The following SCN8A variants were observed in gnomAD, a reference collection of about 807,000 sequenced individuals.
SCN8A encodes the protein sodium voltage-gated channel alpha subunit 8, also known as sodium channel protein type 8 subunit alpha.
Under a neutral mutation model 184.1 loss-of-function variants are expected in SCN8A, and 30 were observed. The observed-to-expected ratio is 0.16, with a 90% CI of 0.12 to 0.22. The LOEUF (loss-of-function observed/expected upper bound fraction) is 0.22. SCN8A is among the 10% of genes least tolerant of loss of function. The probability of loss-of-function intolerance (pLI) is 1.00; values close to 1 mark genes in which losing one functional copy is unlikely to be tolerated. For missense variants in SCN8A, 1,057 were observed against 2,498.9 expected (o/e 0.42, Z 12.30); for synonymous variants, 852 against 907.0 (o/e 0.94, Z 1.09).
chr12:51,593,577 G>A (rs1939279259), intron 1 of SCN8A, among the ~76,000 whole-genome samples: 1 of 152,132 alleles, frequency 6.6e-6, no homozygotes, highest in South Asian at 2.1e-4. Flanking sequence ...GTCCAGCTTT[G>A]GGTTGCCTGT....
intron 20 of SCN8A, among the ~76,000 whole-genome samples, chr12:51,776,965 C>T (rs1238312655): frequency 6.6e-6 from 1 of 152,148 alleles, no homozygotes; most frequent in Admixed American, 6.5e-5. Flanking sequence ...TATGAGTTCC[C>T]AAACAAGGAA....
intron 17 of SCN8A, 114 bp from the exon 18 acceptor site, chr12:51,769,754 A>T: frequency 1.4e-6 from 1 of 731,268 alleles, no homozygotes; most frequent in Non-Finnish European, 2.4e-6. Context: ...TGTAGTAAGA[A>T]TTCTAGAGAG....
At chr12:51,740,714 G>T (rs889196232) in intron 12 of SCN8A, among the ~76,000 whole-genome samples, 2 of 152,138 alleles carry the variant, frequency 1.3e-5, no homozygotes, top group Non-Finnish European at 2.9e-5. Flanking sequence ...GTGTTTCTTT[G>T]TTGATTTTCT....
At chr12:51,701,072 G>T in intron 7 of SCN8A, 72 bp from the exon 8 acceptor site, 1 of 1,015,222 alleles carries the variant, frequency 9.9e-7, no homozygotes, top group South Asian at 1.3e-5. Flanking sequence ...GGCTAGTTAG[G>T]AACAGTGTAA....
chr12:51,702,926 C>T lies in SCN8A; in HGVS notation c.1134+12C>T, dbSNP rs760180910. The T allele has an allele frequency of 8.2e-6, 13 of 1,585,516 alleles. No homozygotes were observed. Among genetic ancestry groups the T allele is most frequent in the African/African-American group, 6.7e-5 (5 of 74,658 alleles). ...ACTTGTATCAATTGGTGAGTAATAC[C>T]TCTTTTCCTTTGGCCATAGAGTTTG... is the stretch of plus-strand genomic sequence containing the variant. On this transcript the variant is annotated intron_variant, in intron 9 of 26. Transcript: ENST00000627620.
Position 51,806,370 on chromosome 12 carries a change from G to A in SCN8A, c.4884G>A (p.Leu1628=), listed in dbSNP as rs749428493. 1.2e-5 allele frequency: 19 copies of A among 1,598,566 alleles called. No homozygotes were observed. The highest frequency in any genetic ancestry group is 1.6e-5 in the Non-Finnish European group (19 of 1,170,120). The part of the protein sequence containing the change: ...VIRLARIGRI[L]RLIKGAKGIR... ...GATTGGCCCGTATTGGGCGCATCTTGCGTCTGATCAAAGGCGCCAAAGGGA... is the reference window on the plus strand; with the variant it reads ...GATTGGCCCGTATTGGGCGCATCTTACGTCTGATCAAAGGCGCCAAAGGGA... Residue 1628 remains leucine, a synonymous_variant, in exon 27 of 27, where the codon TTG becomes TTA. Coordinates refer to ENST00000627620, the MANE Select transcript of SCN8A (RefSeq NM_001330260.2). The surrounding 1 kb of genome is among the most constrained non-coding windows in gnomAD (Gnocchi z 8.7).
chr12:51,718,072 A>G (rs1941994160), intron 11 of SCN8A, among the ~76,000 whole-genome samples: 1 of 152,262 alleles, frequency 6.6e-6, no homozygotes, highest in Non-Finnish European at 1.5e-5. Context: ...GGCTTTGTAC[A>G]TTACAAGAAG....
intron 19 of SCN8A, 116 bp from the exon 20 acceptor site, chr12:51,774,073 G>A: frequency 2.7e-6 from 2 of 728,484 alleles, no homozygotes; most frequent in South Asian, 2.3e-5. Context: ...AAGCGAAGGA[G>A]ACAGGGAGCT....
At chr12:51,647,520 TC>T (rs1940617922) in intron 1 of SCN8A, among the ~76,000 whole-genome samples, 1 of 152,162 alleles carries the variant, frequency 6.6e-6, no homozygotes, top group Admixed American at 6.5e-5. Context: ...CACGGGCAGT[TC>T]CCCATTAACA....
intron 13 of SCN8A, 49 bp downstream of exon 13, chr12:51,746,084 T>C (rs373705636): frequency 5.3e-6 from 8 of 1,518,698 alleles, no homozygotes; most frequent in Admixed American, 2.0e-5. Flanking sequence ...AAATATGTAA[T>C]GTGCATGGTA....
chr12:51,766,040 T>G lies in SCN8A; in HGVS notation c.2901+13T>G. ...TGGCAACTTGGTGGTTAGTACTAAT[T>G]TGTAGATATTTTTGTTCTACACCCT... is the stretch of plus-strand genomic sequence containing the variant. On this transcript the variant is annotated intron_variant, in intron 16 of 26. Transcript: ENST00000627620. 6.2e-7 allele frequency: 1 copy of G among 1,607,924 alleles called. No individual in the cohort carries two copies.
intron 1 of SCN8A, among the ~76,000 whole-genome samples, chr12:51,650,199 G>A (rs1023507939): frequency 5.3e-5 from 8 of 152,088 alleles, no homozygotes; most frequent in South Asian, 2.1e-4. Context: ...TCACCATCAG[G>A]CCTCTGGTCA....
intron 1 of SCN8A, among the ~76,000 whole-genome samples, chr12:51,644,495 A>G (rs1296760005): frequency 6.6e-6 from 1 of 152,222 alleles, no homozygotes; most frequent in Non-Finnish European, 1.5e-5. Context: ...TATTGGAAGT[A>G]TTATTAAGAC....
At chr12:51,782,910 A>C (rs1937968890) in intron 21 of SCN8A, among the ~76,000 whole-genome samples, 1 of 152,256 alleles carries the variant, frequency 6.6e-6, no homozygotes, top group Non-Finnish European at 1.5e-5. Flanking sequence ...CGAATGAATA[A>C]TCAAAACAGT....
intron 2 of SCN8A, among the ~76,000 whole-genome samples, chr12:51,667,655 G>A (rs1331922992): frequency 6.6e-6 from 1 of 152,082 alleles, no homozygotes; most frequent in Non-Finnish European, 1.5e-5. Context: ...ATACAAAATG[G>A]CCATATATAC....
At chr12:51,670,555 A>T (rs1389289256) in intron 2 of SCN8A, among the ~76,000 whole-genome samples, 1 of 152,048 alleles carries the variant, frequency 6.6e-6, no homozygotes, top group Non-Finnish European at 1.5e-5. Context: ...TTAGACTCAG[A>T]GGTGTGGTGT....
chr12:51,633,105 A>G (rs1940234538), intron 1 of SCN8A, among the ~76,000 whole-genome samples: 1 of 152,206 alleles, frequency 6.6e-6, no homozygotes, highest in Admixed American at 6.5e-5. Context: ...CTGTATAGAG[A>G]AACTACAACA....
chr12:51,644,135 T>C (rs1316818369), intron 1 of SCN8A, among the ~76,000 whole-genome samples: 6 of 152,228 alleles, frequency 3.9e-5, no homozygotes, highest in African/African-American at 1.4e-4. Context: ...AAACCAACTT[T>C]GCTTAGTCTG....
At chr12:51,713,628 A>G (rs1156632014) in intron 11 of SCN8A, 20 of 623,764 alleles carry the variant, frequency 3.2e-5, no homozygotes, top group Non-Finnish European at 5.4e-5. Flanking sequence ...GTTCTTCTTG[A>G]GACATCTCCT....
Sources: gnomAD v4.1 joint callset for allele counts (sites outside exome capture counted in the v4.1 genomes callset) on GRCh38, gnomAD v4.1.1 for gene constraint, Gnocchi (gnomAD v3.1) non-coding constraint, MANE v1.5 for transcripts, NCBI Gene and HGNC (gene_info 2026-07-23, HGNC 2026-07-21) for gene names.